Variants in LRBA observed in about 807,000 individuals in gnomAD.
LRBA encodes LPS responsive beige-like anchor protein.
LRBA carries 176 observed loss-of-function variants against 330.0 expected under a neutral mutation model. That is an observed-to-expected ratio of 0.53 (90% CI 0.47 to 0.60). The LOEUF is 0.60. Ranked by LOEUF, LRBA falls within the 20% of genes least tolerant of loss-of-function variation. The probability of loss-of-function intolerance (pLI) is 0.00; values close to 1 mark genes in which losing one functional copy is unlikely to be tolerated. For missense variants in LRBA, 3,259 were observed against 3,444.8 expected (o/e 0.95, Z 1.35); for synonymous variants, 1,230 against 1,193.0 (o/e 1.03, Z -0.64).
intron 28 of LRBA, among the ~76,000 whole-genome samples, chr4:150,837,067 A>G (rs1206217126): frequency 6.6e-6 from 1 of 152,202 alleles, no homozygotes; most frequent in Non-Finnish European, 1.5e-5. Flanking sequence ...GTAGTCATTC[A>G]GGAGCAGGTT....
chr4:150,547,297 A>G (rs1337029577), intron 40 of LRBA, among the ~76,000 whole-genome samples: 1 of 152,154 alleles, frequency 6.6e-6, no homozygotes, highest in Non-Finnish European at 1.5e-5. Context: ...CCACACAAAA[A>G]GGAAAAAAGA....
At chr4:150,827,410 C>G (rs1168813276) in intron 30 of LRBA, among the ~76,000 whole-genome samples, 1 of 151,938 alleles carries the variant, frequency 6.6e-6, no homozygotes, top group Non-Finnish European at 1.5e-5. Flanking sequence ...GTGTGTCTGC[C>G]TCTCCTGCTT....
chr4:150,884,465 C>T (rs1372037519), intron 17 of LRBA, among the ~76,000 whole-genome samples: 1 of 152,106 alleles, frequency 6.6e-6, no homozygotes, highest in Non-Finnish European at 1.5e-5. Flanking sequence ...ACTTTGAATG[C>T]AATCCCTAAA....
At chr4:150,952,462 A>G (rs1736942851) in intron 2 of LRBA, among the ~76,000 whole-genome samples, 1 of 152,206 alleles carries the variant, frequency 6.6e-6, no homozygotes, top group African/African-American at 2.4e-5. Context: ...TTTTCACTTC[A>G]TACTTTTTTA....
At position 150,475,852 on chromosome 4, in the gene LRBA, T is replaced by C. The variant is rs1199448513; in HGVS notation, c.6552-4113A>G. 2.0e-5 allele frequency among the ~76,000 whole-genome samples: 3 copies of C among 151,186 alleles called. No homozygotes were observed. The East Asian group carries it at 5.8e-4, about 29-fold the overall frequency. On this transcript the variant is annotated intron_variant, in intron 42 of 56. Transcript: ENST00000651943. ...CCAGGAGTTTGAAGCTGCAGTGAGC[T>C]ATAACTGTGCCAAGTGCACTCCAGC...
chr4:150,975,533 C>CAAAA (rs562938295), intron 2 of LRBA, among the ~76,000 whole-genome samples: 1 of 78,106 alleles, frequency 1.3e-5, no homozygotes, highest in African/African-American at 4.0e-5. Context: ...GACTCTATCT[C>CAAAA]AAAAAAAAAA....
chr4:150,588,806 A>G (rs1001643591), intron 39 of LRBA, among the ~76,000 whole-genome samples: 1 of 152,106 alleles, frequency 6.6e-6, no homozygotes. Flanking sequence ...TCCAAATCTA[A>G]TATTAGTGTA....
rs1417383834 is a variant in LRBA at position 150,831,139 on chromosome 4, G to T, written c.4729+678C>A. Among the ~76,000 whole-genome samples the T allele has an allele frequency of 3.3e-5, 5 of 151,272 alleles. No homozygotes were observed. The East Asian group carries it at 7.8e-4, about 24-fold the overall frequency. On this transcript the variant is annotated intron_variant, in intron 29 of 56. Transcript: ENST00000651943. ...CCAATGAGTTCTCATTTCCCTCAAA[G>T]AGAAATCCATACCCAATTACTCCTG...
intron 34 of LRBA, among the ~76,000 whole-genome samples, chr4:150,792,402 G>C (rs1740082667): frequency 6.6e-6 from 1 of 152,206 alleles, no homozygotes; most frequent in African/African-American, 2.4e-5. Flanking sequence ...AGGGAAATTT[G>C]AGGATTAAAA....
Position 150,505,146 on chromosome 4 carries a change from C to T in LRBA, c.6331-14111G>A, listed in dbSNP as rs186705647. 4.2e-3 allele frequency among the ~76,000 whole-genome samples: 644 copies of T among 152,284 alleles called. 3 individuals carry two copies. The highest frequency in any genetic ancestry group is 0.015 in the African/African-American group (623 of 41,548). ...ATAATAATGGGAGACTTTAACACCC[C>T]ACTGTCAACATTAGACAGATCAATG... is the stretch of plus-strand genomic sequence containing the variant. On this transcript the variant is annotated intron_variant, in intron 40 of 56. Transcript: ENST00000651943.
In LRBA at chr4:150,658,419, C is replaced by T. The variant is rs183417020; in HGVS notation, c.5921+25132G>A. On this transcript the variant is annotated intron_variant, in intron 37 of 56. Coordinates refer to ENST00000651943, the MANE Select transcript of LRBA (RefSeq NM_001364905.1). ...TAGATAAATATGCCTTCCTGATTGG[C>T]TGTTATCAAGTTATCATAATACTTA... Among the ~76,000 whole-genome samples the T allele has an allele frequency of 1.1e-4, 16 of 150,282 alleles. No individual in the cohort carries two copies. In the East Asian group the frequency reaches 3.2e-3, roughly 30 times the overall value.
At position 150,391,179 on chromosome 4, in the gene LRBA, T is replaced by C. The variant is rs150972455; in HGVS notation, c.7194+24259A>G. Reference sequence around the variant, plus strand: ...TGCCTCTTTCCAAAGGGCTAAAATGTGGATATACGGGGTGACTGCAAAAGA... The same window carrying C: ...TGCCTCTTTCCAAAGGGCTAAAATGCGGATATACGGGGTGACTGCAAAAGA... On this transcript the variant is annotated intron_variant, in intron 47 of 56. Coordinates refer to ENST00000651943, the MANE Select transcript of LRBA (RefSeq NM_001364905.1). Among the ~76,000 whole-genome samples the C allele has an allele frequency of 7.1e-3, 1,081 of 152,258 alleles. 4 individuals carry two copies. Among genetic ancestry groups the C allele is most frequent in the Non-Finnish European group, 0.011 (764 of 68,022 alleles).
At chr4:150,910,160 C>G (rs529870809) in intron 9 of LRBA, among the ~76,000 whole-genome samples, 2 of 152,226 alleles carry the variant, frequency 1.3e-5, no homozygotes, top group Non-Finnish European at 2.9e-5. Context: ...ATAACTTTGA[C>G]AACATCTTAT....
chr4:150,929,587 A>G (rs1178074839), intron 2 of LRBA, among the ~76,000 whole-genome samples: 1 of 152,240 alleles, frequency 6.6e-6, no homozygotes, highest in Non-Finnish European at 1.5e-5. Flanking sequence ...TAACTTACAT[A>G]TAATTAGTCA....
chr4:150,628,973 G>C (rs895425803), intron 37 of LRBA, among the ~76,000 whole-genome samples: 1 of 152,188 alleles, frequency 6.6e-6, no homozygotes, highest in Non-Finnish European at 1.5e-5. Flanking sequence ...TGATAGCTCA[G>C]TGTAGCCTCA....
chr4:150,475,731 T>TA (rs368974634), intron 42 of LRBA, among the ~76,000 whole-genome samples: 3,362 of 132,912 alleles, frequency 0.025, 85 homozygotes, highest in African/African-American at 0.067. Context: ...CCTATCTCTA[T>TA]AAAAAAAAAA....
chr4:150,518,389 T>C (rs1762583469), intron 40 of LRBA, among the ~76,000 whole-genome samples: 1 of 152,206 alleles, frequency 6.6e-6, no homozygotes, highest in African/African-American at 2.4e-5. Flanking sequence ...GAATTTTTTA[T>C]TTACAATTTT....
chr4:150,562,738 T>A (rs1768534918), intron 40 of LRBA, among the ~76,000 whole-genome samples: 1 of 152,194 alleles, frequency 6.6e-6, no homozygotes, highest in Non-Finnish European at 1.5e-5. Flanking sequence ...CTGAGAGTTA[T>A]TAGACGACAA....
intron 36 of LRBA, among the ~76,000 whole-genome samples, chr4:150,709,972 T>A (rs1786015848): frequency 6.6e-6 from 1 of 151,978 alleles, no homozygotes; most frequent in Non-Finnish European, 1.5e-5. Context: ...TTAAGGATTG[T>A]AGGTTTAACC....
Sources: allele counts gnomAD v4.1 joint callset (sites outside exome capture counted in the v4.1 genomes callset), GRCh38; gene constraint gnomAD v4.1.1; transcripts MANE v1.5; gene names NCBI Gene and HGNC (gene_info 2026-07-23, HGNC 2026-07-21).